The following TYW1B variants were observed in gnomAD, a reference collection of about 807,000 sequenced individuals.
The protein encoded by TYW1B is S-adenosyl-L-methionine-dependent tRNA 4-demethylwyosine synthase TYW1B.
TYW1B carries 73 observed loss-of-function variants against 86.9 expected under a neutral mutation model. The observed-to-expected ratio is 0.84, with a 90% CI of 0.70 to 1.02. The LOEUF (loss-of-function observed/expected upper bound fraction) is 1.02. Among genes scored for constraint, TYW1B ranks in the 50% least tolerant of loss-of-function variants. The probability of loss-of-function intolerance (pLI) is 0.00; values close to 1 mark genes in which losing one functional copy is unlikely to be tolerated. For missense variants in TYW1B, 637 were observed against 827.4 expected, an observed-to-expected ratio of 0.77 and a Z score of 2.82; for synonymous variants, 248 against 292.8, an observed-to-expected ratio of 0.85 and a Z score of 1.56.
chr7:72,688,346 G>A (rs35098998), intron 11 of TYW1B, among the ~76,000 whole-genome samples: 2 of 152,078 alleles, frequency 1.3e-5, no homozygotes, highest in Non-Finnish European at 2.9e-5. Context: ...TCTATTATTT[G>A]CTCTCCCCAT....
intron 10 of TYW1B, among the ~76,000 whole-genome samples, chr7:72,703,886 G>GA (rs1231494894): frequency 8.6e-5 from 13 of 151,190 alleles, no homozygotes; most frequent in Non-Finnish European, 1.3e-4. Flanking sequence ...AAAGAAAAAA[G>GA]AAAAAATCTG....
intron 11 of TYW1B, among the ~76,000 whole-genome samples, chr7:72,636,466 T>A (rs1164372490): frequency 6.6e-6 from 1 of 152,240 alleles, no homozygotes; most frequent in Non-Finnish European, 1.5e-5. Context: ...TTTGATTCCA[T>A]GTTAAATGGA....
intron 6 of TYW1B, among the ~76,000 whole-genome samples, chr7:72,795,167 C>G (rs2129572359): frequency 6.6e-6 from 1 of 152,016 alleles, no homozygotes; most frequent in Admixed American, 6.6e-5. Flanking sequence ...GCTCCCAAAC[C>G]CTACGGAGAT....
intron 7 of TYW1B, among the ~76,000 whole-genome samples, chr7:72,763,531 C>T (rs1314855745): frequency 3.3e-5 from 5 of 152,128 alleles, no homozygotes; most frequent in African/African-American, 1.2e-4. Flanking sequence ...ATCCACCCGC[C>T]TCGGCCTCCC....
intron 11 of TYW1B, among the ~76,000 whole-genome samples, chr7:72,654,118 A>G (rs1406403173): frequency 2.0e-5 from 3 of 151,764 alleles, no homozygotes; most frequent in African/African-American, 7.3e-5. Flanking sequence ...TCAGCAAACA[A>G]GGAATTAAGG....
At chr7:72,756,026 G>C (rs1787581247) in intron 7 of TYW1B, among the ~76,000 whole-genome samples, 1 of 152,114 alleles carries the variant, frequency 6.6e-6, no homozygotes, top group African/African-American at 2.4e-5. Context: ...CTGGCACAGG[G>C]AGAGACAGGG....
chr7:72,622,570 T>C (rs533297010), intron 12 of TYW1B, among the ~76,000 whole-genome samples: 1 of 152,246 alleles, frequency 6.6e-6, no homozygotes, highest in African/African-American at 2.4e-5. Flanking sequence ...GAGACTCTAG[T>C]AAGTGCAGAC....
At chr7:72,809,364 A>G (rs1788558664) in intron 4 of TYW1B, among the ~76,000 whole-genome samples, 2 of 152,118 alleles carry the variant, frequency 1.3e-5, no homozygotes, top group Admixed American at 1.3e-4. Context: ...ATTTTTTAAA[A>G]CTGAGCTCAG....
At chr7:72,722,922 C>G (rs1444778362) in intron 9 of TYW1B, 1 of 713,132 alleles carries the variant, frequency 1.4e-6, no homozygotes, top group Non-Finnish European at 2.6e-6. Flanking sequence ...GCAGTGGAGT[C>G]TTCCACACCC....
chr7:72,680,357 T>C (rs1440385339), intron 11 of TYW1B, among the ~76,000 whole-genome samples: 18 of 152,068 alleles, frequency 1.2e-4, no homozygotes. Context: ...CAGAAGAACA[T>C]GGAAAAACTA....
chr7:72,720,480 CAAGACAAAAAAA>C (rs1354750298), intron 9 of TYW1B, among the ~76,000 whole-genome samples: 10 of 151,968 alleles, frequency 6.6e-5, no homozygotes, highest in Admixed American at 2.0e-4. Flanking sequence ...AAACAAAATA[CAAGACAAAAAAA>C]ATTCTTGATG....
chr7:72,580,726 A>G (rs1371157214), intron 13 of TYW1B, among the ~76,000 whole-genome samples: 2 of 152,222 alleles, frequency 1.3e-5, no homozygotes, highest in Non-Finnish European at 2.9e-5. Context: ...AGATTCCATT[A>G]AAGATGGTAG....
intron 11 of TYW1B, among the ~76,000 whole-genome samples, chr7:72,669,648 T>TAGTC (rs1813548074): frequency 6.6e-6 from 1 of 151,484 alleles, no homozygotes; most frequent in African/African-American, 2.4e-5. Context: ...CTTGTGCCTG[T>TAGTC]AGTCCCAGCT....
intron 13 of TYW1B, among the ~76,000 whole-genome samples, chr7:72,603,493 A>C (rs1178296757): frequency 6.6e-6 from 1 of 152,222 alleles, no homozygotes; most frequent in Admixed American, 6.5e-5. Context: ...GAAGAATTCC[A>C]AATAACTTAC....
At chr7:72,730,401 A>G (rs1787081735) in intron 8 of TYW1B, among the ~76,000 whole-genome samples, 1 of 150,286 alleles carries the variant, frequency 6.7e-6, no homozygotes, top group Non-Finnish European at 1.5e-5. Flanking sequence ...AGAGCCAAAC[A>G]GAAAACTTGA....
At chr7:72,786,607 G>A (rs113591237) in intron 6 of TYW1B, among the ~76,000 whole-genome samples, 5 of 128,730 alleles carry the variant, frequency 3.9e-5, no homozygotes, top group African/African-American at 9.0e-5. Flanking sequence ...ATAGGGTCTC[G>A]CTCTGTCACC....
intron 11 of TYW1B, among the ~76,000 whole-genome samples, chr7:72,665,197 A>C (rs1254466436): frequency 1.3e-5 from 2 of 152,220 alleles, no homozygotes; most frequent in Non-Finnish European, 2.9e-5. Context: ...ATAATTTTAA[A>C]AGAAAGAAGA....
At chr7:72,653,381 C>T (rs111842626) in intron 11 of TYW1B, among the ~76,000 whole-genome samples, 21 of 151,054 alleles carry the variant, frequency 1.4e-4, no homozygotes, top group Middle Eastern at 3.4e-3. Context: ...CCGAGGCGGG[C>T]GGATCACGAG....
At chr7:72,612,392 G>A (rs1811954534) in intron 13 of TYW1B, among the ~76,000 whole-genome samples, 2 of 152,174 alleles carry the variant, frequency 1.3e-5, no homozygotes, top group Admixed American at 1.3e-4. Flanking sequence ...TGTGGAAGGA[G>A]TGGTACACTT....
Sources: allele counts gnomAD v4.1 joint callset (sites outside exome capture counted in the v4.1 genomes callset), GRCh38; gene constraint gnomAD v4.1.1; transcripts MANE v1.5; gene names NCBI Gene and HGNC (gene_info 2026-07-23, HGNC 2026-07-21).